HIVEP3: variants seen among roughly 807,000 people sequenced by gnomAD.
The protein encoded by HIVEP3 is transcription factor HIVEP3.
A neutral mutation model predicts 152.8 loss-of-function variants in HIVEP3; 49 were observed. The observed-to-expected ratio is 0.32, with a 90% CI of 0.26 to 0.41. HIVEP3 has a LOEUF of 0.41. Among genes scored for constraint, HIVEP3 ranks in the 10% least tolerant of loss-of-function variants. The pLI, the probability that HIVEP3 is intolerant of heterozygous loss-of-function variation, is 1.00. For synonymous variants in HIVEP3, 1,269 were observed against 1,289.0 expected, an observed-to-expected ratio of 0.98 and a Z score of 0.33; for missense variants, 2,790 against 3,103.3, an observed-to-expected ratio of 0.90 and a Z score of 2.40.
intron 1 of HIVEP3, among the ~76,000 whole-genome samples, chr1:41,814,923 A>G (rs1179797483): frequency 2.0e-5 from 3 of 152,218 alleles, no homozygotes; most frequent in African/African-American, 4.8e-5. Flanking sequence ...ATGCAAAATC[A>G]GCACTGCTCT....
chr1:41,600,192 C>A (rs1198888553), intron 3 of HIVEP3, among the ~76,000 whole-genome samples: 2 of 152,308 alleles, frequency 1.3e-5, no homozygotes, highest in Admixed American at 1.3e-4. Flanking sequence ...GAATTACCAT[C>A]TAATCCAGCA....
intron 2 of HIVEP3, among the ~76,000 whole-genome samples, chr1:41,661,406 G>A (rs2124045484): frequency 6.6e-6 from 1 of 152,312 alleles, no homozygotes; most frequent in South Asian, 2.1e-4. Flanking sequence ...GGGGGTTGGG[G>A]AGGGTGCTCT....
intron 1 of HIVEP3, among the ~76,000 whole-genome samples, chr1:42,025,386 TTTAA>T (rs1456470031): frequency 6.6e-6 from 1 of 152,238 alleles, no homozygotes; most frequent in Non-Finnish European, 1.5e-5. Flanking sequence ...CCAAGCCACT[TTTAA>T]TTGTTACCCA....
rs145866915 is a variant in HIVEP3 at position 41,936,493 on chromosome 1, T to G, written n.120-17969A>C. Among the ~76,000 whole-genome samples, 622 of 152,348 alleles carry G rather than the reference T, an allele frequency of 4.1e-3. 7 individuals are homozygous for G. The highest frequency in any genetic ancestry group is 0.015 in the African/African-American group (604 of 41,578). On this transcript the variant is annotated intron_variant and non_coding_transcript_variant, in intron 1 of 3. Coordinates refer to the HIVEP3 transcript ENST00000489103. Reference sequence around the variant, plus strand: ...TGCAATAACTTGTGTCAACAAGAAGTAGTTCCATTATGTTTGGTCTACTCC... The same window carrying G: ...TGCAATAACTTGTGTCAACAAGAAGGAGTTCCATTATGTTTGGTCTACTCC...
intron 1 of HIVEP3, among the ~76,000 whole-genome samples, chr1:41,892,165 A>T (rs1644456898): frequency 6.6e-6 from 1 of 152,224 alleles, no homozygotes; most frequent in South Asian, 2.1e-4. Context: ...CATTCAAACA[A>T]GACACTGCAT....
intron 1 of HIVEP3, among the ~76,000 whole-genome samples, chr1:41,939,695 A>G (rs186409359): frequency 2.6e-5 from 4 of 152,332 alleles, no homozygotes; most frequent in Middle Eastern, 3.4e-3. Flanking sequence ...TCAGGATCAT[A>G]GAACTAGCAG....
intron 5 of HIVEP3, among the ~76,000 whole-genome samples, chr1:41,561,190 A>G (rs1189687061): frequency 1.3e-5 from 2 of 152,164 alleles, no homozygotes; most frequent in South Asian, 4.1e-4. Flanking sequence ...CATTCATTTC[A>G]TGGAAGAGAA....
At chr1:41,931,975 T>C (rs1339147387) in intron 1 of HIVEP3, among the ~76,000 whole-genome samples, 5 of 151,926 alleles carry the variant, frequency 3.3e-5, no homozygotes, top group Non-Finnish European at 7.4e-5. Flanking sequence ...GGACTTTCCA[T>C]ATGAAGTCAG....
At chr1:41,862,520 A>C (rs1012743154) in intron 1 of HIVEP3, among the ~76,000 whole-genome samples, 1 of 151,210 alleles carries the variant, frequency 6.6e-6, no homozygotes, top group African/African-American at 2.4e-5. Context: ...GCCACCCAGC[A>C]CCTCCTCTGC....
chr1:41,966,216 G>A (rs1645196671), intron 1 of HIVEP3, among the ~76,000 whole-genome samples: 1 of 152,030 alleles, frequency 6.6e-6, no homozygotes, highest in African/African-American at 2.4e-5. Flanking sequence ...CCTTGCCAAA[G>A]CTCCTGAAGG....
Position 41,576,281 on chromosome 1 carries a change from T to C in HIVEP3, c.5062-592A>G, listed in dbSNP as rs541062415. Among the ~76,000 whole-genome samples, 12 of 152,286 alleles carry C rather than the reference T, an allele frequency of 7.9e-5. 1 individual carries two copies. The South Asian group carries it at 2.5e-3, about 32-fold the overall frequency. On this transcript the variant is annotated intron_variant, in intron 4 of 8. Transcript: ENST00000372583. Reference sequence around the variant, plus strand: ...GCTGAGGACCCTGACCAGCAGGACGTCCCCAATTCCACCATAGAGACAGGC... The same window carrying C: ...GCTGAGGACCCTGACCAGCAGGACGCCCCCAATTCCACCATAGAGACAGGC...
At chr1:41,931,563 G>C (rs1033720227) in intron 1 of HIVEP3, among the ~76,000 whole-genome samples, 4 of 151,914 alleles carry the variant, frequency 2.6e-5, no homozygotes, top group Admixed American at 2.6e-4. Flanking sequence ...TTTCAGATTT[G>C]TTTTCATGGG....
At chr1:41,942,526 T>A (rs946018949) in intron 1 of HIVEP3, among the ~76,000 whole-genome samples, 2 of 152,290 alleles carry the variant, frequency 1.3e-5, no homozygotes, top group African/African-American at 4.8e-5. Flanking sequence ...GAATGCAGAG[T>A]GGTATAACCC....
chr1:41,671,019 G>T lies in HIVEP3; in HGVS notation c.-721+29897C>A, dbSNP rs187790909. On this transcript the variant is annotated intron_variant, in intron 2 of 8. Transcript: ENST00000372583. ...ACGGTAGACAAAGAAGAGGTGGGAA[G>T]AAATTTTCCCTGATTATCATCCCTT... Among the ~76,000 whole-genome samples, 24 of 152,314 alleles carry T rather than the reference G, an allele frequency of 1.6e-4. 1 individual carries two copies. The highest frequency in any genetic ancestry group is 1.6e-3 in the Admixed American group (24 of 15,306).
chr1:41,960,002 C>G (rs934645767), intron 1 of HIVEP3, among the ~76,000 whole-genome samples: 1 of 152,114 alleles, frequency 6.6e-6, no homozygotes, highest in African/African-American at 2.4e-5. Flanking sequence ...ATACATATGA[C>G]GGGTGACCCA....
chr1:41,623,157 G>T (rs1183598769), intron 3 of HIVEP3, among the ~76,000 whole-genome samples: 1 of 152,212 alleles, frequency 6.6e-6, no homozygotes, highest in Non-Finnish European at 1.5e-5. Flanking sequence ...GGAATACACA[G>T]AACACAAATC....
intron 1 of HIVEP3, among the ~76,000 whole-genome samples, chr1:41,750,102 T>C (rs1462785471): frequency 2.0e-5 from 3 of 152,206 alleles, no homozygotes; most frequent in African/African-American, 7.2e-5. Context: ...ATCTTGGCTC[T>C]GCCACTCATT....
rs973221571 is a variant in HIVEP3, at chr1:41,710,563, C to G, written c.-800-9568G>C. Among the ~76,000 whole-genome samples, 7 of 152,328 alleles carry G rather than the reference C, an allele frequency of 4.6e-5. No individual in the cohort carries two copies. In the East Asian group the frequency reaches 1.4e-3, roughly 29 times the overall value. On this transcript the variant is annotated intron_variant, in intron 1 of 8. Coordinates refer to ENST00000372583, the MANE Select transcript of HIVEP3 (RefSeq NM_024503.5). The stretch of plus-strand genomic sequence containing the variant: ...TCCAATGGCTGGTCCCCTGCGCCAA[C>G]TGGCCAGCACAGTCCTACTCCTTGC...
intron 1 of HIVEP3, among the ~76,000 whole-genome samples, chr1:41,995,015 G>A (rs1185348572): frequency 6.6e-6 from 1 of 151,930 alleles, no homozygotes. Context: ...ATAAAAGAAA[G>A]TCTAAGATAC....
Sources: gnomAD v4.1 joint callset for allele counts (sites outside exome capture counted in the v4.1 genomes callset) on GRCh38, gnomAD v4.1.1 for gene constraint, MANE v1.5 for transcripts, NCBI Gene and HGNC (gene_info 2026-07-23, HGNC 2026-07-21) for gene names.